The following HEATR4 variants were observed in gnomAD, a reference collection of about 807,000 sequenced individuals.
HEATR4 encodes the protein HEAT repeat containing 4.
HEATR4 carries 95 observed loss-of-function variants against 108.8 expected under a neutral mutation model. The observed-to-expected ratio is 0.87, with a 90% CI of 0.74 to 1.04. HEATR4 has a LOEUF of 1.04. HEATR4 is among the 50% of genes least tolerant of loss of function. The pLI is 0.00. For missense variants in HEATR4, 1,152 were observed against 1,253.8 expected (o/e 0.92, Z 1.23); for synonymous variants, 443 against 459.4 (o/e 0.96, Z 0.46).
rs187184776 is a variant in HEATR4, at chr14:73,501,793, G to A, written c.2106-1063C>T. ...TTTTGAGACGGAGTCTCACTCTGTC[G>A]CCCAGGCTGGAGTACAGTGGCGTGA... is the stretch of plus-strand genomic sequence containing the variant. On this transcript the variant is annotated intron_variant, in intron 11 of 17. Transcript: ENST00000553558. 1.6e-3 allele frequency among the ~76,000 whole-genome samples: 244 copies of A among 151,234 alleles called. 1 individual carries two copies. Among genetic ancestry groups the A allele is most frequent in the African/African-American group, 5.7e-3 (235 of 41,234 alleles).
intron 1 of HEATR4, among the ~76,000 whole-genome samples, chr14:73,538,803 A>G (rs1458408848): frequency 8.9e-6 from 1 of 112,590 alleles, no homozygotes; most frequent in Non-Finnish European, 1.9e-5. Context: ...CCCCGTCTCT[A>G]CTAAAAATAC....
At chr14:73,543,057 G>C in intron 1 of HEATR4, 2 of 1,492,134 alleles carry the variant, frequency 1.3e-6, no homozygotes, top group Non-Finnish European at 1.8e-6. Context: ...CAGGTAAAAG[G>C]TCCAGGAGTT....
chr14:73,516,641 C>G (rs1487881941), intron 5 of HEATR4, among the ~76,000 whole-genome samples: 1 of 152,180 alleles, frequency 6.6e-6, no homozygotes, highest in East Asian at 1.9e-4. Context: ...GGGTCCCTAA[C>G]CCCCAGGCCA....
chr14:73,506,083 G>A (rs1489743030), intron 10 of HEATR4, among the ~76,000 whole-genome samples: 1 of 151,560 alleles, frequency 6.6e-6, no homozygotes, highest in Non-Finnish European at 1.5e-5. Flanking sequence ...TAGAGATGGA[G>A]TTTCACCATG....
At chr14:73,484,966 C>T (rs912073911) in intron 17 of HEATR4, among the ~76,000 whole-genome samples, 2 of 151,918 alleles carry the variant, frequency 1.3e-5, no homozygotes, top group Non-Finnish European at 2.9e-5. Context: ...CAGTTTGAGA[C>T]CAGCTTAGCC....
the HEATR4 span, chr14:73,569,986 C>G: frequency 1.4e-6 from 2 of 1,452,614 alleles, no homozygotes; most frequent in Non-Finnish European, 1.8e-6. Context: ...CCGCCGCGCC[C>G]CCGGGCTATA....
the HEATR4 span, among the ~76,000 whole-genome samples, chr14:73,590,597 C>T: frequency 6.6e-6 from 1 of 152,196 alleles, no homozygotes; most frequent in African/African-American, 2.4e-5. Flanking sequence ...TCAGGCATGG[C>T]GGGCTGCAGG....
chr14:73,489,472 C>T (rs898687070), intron 17 of HEATR4, among the ~76,000 whole-genome samples: 8 of 152,154 alleles, frequency 5.3e-5, no homozygotes, highest in African/African-American at 1.9e-4. Context: ...CTTATCATTG[C>T]TTGAAACATT....
the HEATR4 span, among the ~76,000 whole-genome samples, chr14:73,608,409 A>G: frequency 6.6e-6 from 1 of 152,024 alleles, no homozygotes; most frequent in African/African-American, 2.4e-5. Flanking sequence ...TTGCATAGCA[A>G]GAGTGACCTT....
At chr14:73,612,881 G>A in the HEATR4 span, 30 of 1,396,486 alleles carry the variant, frequency 2.1e-5, no homozygotes, top group Admixed American at 4.8e-5. Context: ...GCCCTTCGCC[G>A]TGGAGCTGGA....
intron 5 of HEATR4, among the ~76,000 whole-genome samples, chr14:73,516,007 G>A (rs1384641227): frequency 3.2e-5 from 2 of 63,296 alleles, no homozygotes; most frequent in Non-Finnish European, 5.2e-5. Context: ...ATGGATTTGC[G>A]GTGAGCAAGT....
Position 73,514,208 on chromosome 14 carries a change from G to C in HEATR4, c.1237C>G (p.Arg413Gly), listed in dbSNP as rs372145393. The C allele has an allele frequency of 1.2e-6, 2 of 1,614,018 alleles. No homozygotes were observed. Among genetic ancestry groups the C allele is most frequent in the Non-Finnish European group, 1.7e-6 (2 of 1,180,044 alleles). The change falls in exon 6 of 18, where the codon CGC becomes GGC. Residue 413 changes from arginine to glycine, a missense_variant. Arg to Gly is a moderately radical substitution (Grantham distance 125). Transcript: ENST00000553558. ...ASYRPVQGAL[R>G]WTALPTPAKD... ...GCGGGGGTGGGCAAAGCAGTCCAGC[G>C]CAGGGCTCCTTGCACAGGTCTGTAA...
chr14:73,578,585 C>G, the HEATR4 span, among the ~76,000 whole-genome samples: 1 of 151,984 alleles, frequency 6.6e-6, no homozygotes, highest in Non-Finnish European at 1.5e-5. Flanking sequence ...TCAACCCATG[C>G]AAGCTGTGAA....
At position 73,509,869 on chromosome 14, in the gene HEATR4, T is replaced by TA. The variant is rs1325257913; in HGVS notation, c.1559-397_1559-396insT. Among the ~76,000 whole-genome samples, 36 of 82,504 alleles carry TA rather than the reference T, an allele frequency of 4.4e-4. 4 individuals carry two copies. The highest frequency in any genetic ancestry group is 6.2e-4 in the Non-Finnish European group (24 of 38,570). The allele number at this position is 82,504 out of a possible 152,430, so 54.1% of individuals were successfully genotyped here. A position where few individuals can be genotyped will look rare whatever the true frequency, so the allele number is the denominator to read the frequency against. On this transcript the variant is annotated intron_variant, in intron 7 of 17. Coordinates refer to ENST00000553558, the MANE Select transcript of HEATR4 (RefSeq NM_001220484.1). ...ATATATATATATATATATATATATA[T>TA]TTATTTATTTTATATATTTTTTGAG... is the stretch of plus-strand genomic sequence containing the variant.
chr14:73,578,189 T>C, the HEATR4 span, among the ~76,000 whole-genome samples: 1 of 150,894 alleles, frequency 6.6e-6, no homozygotes, highest in Non-Finnish European at 1.5e-5. Flanking sequence ...TTAAAAAGCA[T>C]CACAGGGGTT....
the HEATR4 span, among the ~76,000 whole-genome samples, chr14:73,629,859 G>A: frequency 2.0e-5 from 3 of 151,694 alleles, no homozygotes; most frequent in Admixed American, 6.6e-5. Context: ...GTGTTAGCCA[G>A]GATGGTTTGG....
chr14:73,610,745 T>C, the HEATR4 span, among the ~76,000 whole-genome samples: 1 of 152,180 alleles, frequency 6.6e-6, no homozygotes, highest in Non-Finnish European at 1.5e-5. Flanking sequence ...GACTCAGTTC[T>C]CCCCTCTTTC....
chr14:73,630,838 G>C, the HEATR4 span, among the ~76,000 whole-genome samples: 1 of 152,184 alleles, frequency 6.6e-6, no homozygotes, highest in Admixed American at 6.5e-5. Flanking sequence ...ATGGGACTCA[G>C]AGCAGGGTGG....
intron 17 of HEATR4, among the ~76,000 whole-genome samples, chr14:73,490,253 G>C (rs948284096): frequency 6.6e-6 from 1 of 152,046 alleles, no homozygotes; most frequent in African/African-American, 2.4e-5. Flanking sequence ...AGCCTCCCGA[G>C]TAGCTGGGAC....
Sources: gnomAD v4.1 joint callset for allele counts (sites outside exome capture counted in the v4.1 genomes callset) on GRCh38, gnomAD v4.1.1 for gene constraint, MANE v1.5 for transcripts, NCBI Gene and HGNC (gene_info 2026-07-23, HGNC 2026-07-21) for gene names.